The following SLIT2 variants were observed in gnomAD, a reference collection of about 807,000 sequenced individuals.
SLIT2 encodes the protein slit homolog 2 protein.
In SLIT2, 41 loss-of-function variants were observed where a neutral mutation model predicts 185.7. The observed-to-expected ratio is 0.22, with a 90% confidence interval of 0.17 to 0.29. The LOEUF (loss-of-function observed/expected upper bound fraction) is 0.29, where lower values mean the gene tolerates loss of function less well. Ranked by LOEUF, SLIT2 falls within the 10% of genes least tolerant of loss-of-function variation. SLIT2 has a pLI of 1.00. For synonymous variants in SLIT2, 693 were observed against 680.2 expected (o/e 1.02, Z -0.29); for missense variants, 1,571 against 1,909.0 (o/e 0.82, Z 3.30).
chr4:20,471,837 A>G (rs1313344907), intron 5 of SLIT2, among the ~76,000 whole-genome samples: 1 of 152,162 alleles, frequency 6.6e-6, no homozygotes, highest in Non-Finnish European at 1.5e-5. Context: ...AAACAGATGG[A>G]CAGTTATCTT....
At chr4:20,408,943 C>A (rs1316267175) in intron 4 of SLIT2, among the ~76,000 whole-genome samples, 2 of 151,112 alleles carry the variant, frequency 1.3e-5, no homozygotes, top group Admixed American at 6.6e-5. Context: ...GGCTGCTTCT[C>A]CCACCCCCAC....
intron 21 of SLIT2, among the ~76,000 whole-genome samples, chr4:20,544,947 A>C: frequency 6.6e-6 from 1 of 152,142 alleles, no homozygotes. Flanking sequence ...AAGAAATATC[A>C]AGTCAGAAAA....
intron 19 of SLIT2, among the ~76,000 whole-genome samples, chr4:20,540,567 TTA>T (rs1434677738): frequency 1.9e-4 from 29 of 152,154 alleles, no homozygotes; most frequent in Non-Finnish European, 3.8e-4. Flanking sequence ...TTCAGGTCTC[TTA>T]TATGTCAGTA....
Position 20,619,054 on chromosome 4 carries a change from T to C in SLIT2, c.*45T>C. The C allele has an allele frequency of 6.3e-7, 1 of 1,583,604 alleles. No homozygotes were observed. Among genetic ancestry groups the C allele is most frequent in the Non-Finnish European group, 8.6e-7 (1 of 1,156,488 alleles). On this transcript the variant is annotated 3_prime_UTR_variant, in exon 37 of 37. Transcript: ENST00000504154. ...GTCTTTGGAAAAGGTTGTATACTTC[T>C]TGACCGTGTGGGACTAATGAATGCT...
chr4:20,610,303 C>A, intron 34 of SLIT2, 136 bp downstream of exon 34: 1 of 697,966 alleles, frequency 1.4e-6, no homozygotes, highest in African/African-American at 1.8e-5. Flanking sequence ...AGATGGATGG[C>A]AAAGACAGAA....
chr4:20,404,899 G>C (rs973857399), intron 4 of SLIT2, among the ~76,000 whole-genome samples: 1 of 151,720 alleles, frequency 6.6e-6, no homozygotes, highest in Non-Finnish European at 1.5e-5. Context: ...GCATTTAAAG[G>C]GTCTACCATT....
At position 20,391,847 on chromosome 4, in the gene SLIT2, G is replaced by GA. The variant is rs1332270424; in HGVS notation, c.396-75898dup. On this transcript the variant is annotated intron_variant, in intron 4 of 36. Transcript: ENST00000504154. ...TTTGAAGACAACGTAGTCTTCTTTT[G>GA]AAAAAAAGTCCTCAAAATGGATATC... 2.0e-5 allele frequency among the ~76,000 whole-genome samples: 3 copies of GA among 151,948 alleles called. No homozygotes were observed. The East Asian group carries it at 5.8e-4, about 29-fold the overall frequency.
chr4:20,464,402 T>C (rs1258941219), intron 4 of SLIT2, among the ~76,000 whole-genome samples: 2 of 152,148 alleles, frequency 1.3e-5, no homozygotes, highest in African/African-American at 4.8e-5. Context: ...TGAAACTCAA[T>C]TTCCAGATTA....
At position 20,549,041 on chromosome 4, in the gene SLIT2, A is replaced by G; in HGVS notation, c.2418-16A>G. The G allele has an allele frequency of 2.7e-6, 4 of 1,507,768 alleles. 1 individual carries two copies. The highest frequency in any genetic ancestry group is 3.4e-4 in the Middle Eastern group (2 of 5,856). The allele number at this position is 1,507,768 out of a possible 1,614,324, so 93.4% of individuals were successfully genotyped here. ...GGATTTCTGAATAAAACAAATTGAC[A>G]TATGTATGCTTTCAGAATTCTTAGT... On this transcript the variant is annotated splice_polypyrimidine_tract_variant and intron_variant, in intron 23 of 36. Transcript: ENST00000504154.
At position 20,542,486 on chromosome 4, in the gene SLIT2, C is replaced by A; in HGVS notation, c.2144-8C>A. ...TCTTGGTTTTCCTGTATTTCCTCTG[C>A]GATTTAGGAAATGATGACAATAGTT... On this transcript the variant is annotated splice_polypyrimidine_tract_variant and splice_region_variant and intron_variant, in intron 20 of 36. Transcript: ENST00000504154. 2 of 1,612,432 alleles carry A rather than the reference C, an allele frequency of 1.2e-6. No individual in the cohort carries two copies. Among genetic ancestry groups the A allele is most frequent in the Non-Finnish European group, 8.5e-7 (1 of 1,179,076 alleles).
Position 20,372,558 on chromosome 4 carries a change from A to T in SLIT2, c.396-95194A>T, listed in dbSNP as rs573830225. ...AATTGTCTTTATAATTTATATCTTTAACTGTGTTCTATAGCATGGATCCTG... is the reference window on the plus strand; with the variant it reads ...AATTGTCTTTATAATTTATATCTTTTACTGTGTTCTATAGCATGGATCCTG... On this transcript the variant is annotated intron_variant, in intron 4 of 36. Transcript: ENST00000504154. Among the ~76,000 whole-genome samples, 87 of 152,176 alleles carry T rather than the reference A, an allele frequency of 5.7e-4. No homozygotes were observed. In the South Asian group the frequency reaches 0.015, roughly 25 times the overall value.
chr4:20,568,898 T>C lies in SLIT2; in HGVS notation c.2982T>C (p.Asn994=), dbSNP rs770776397. Residue 994 remains asparagine, a synonymous_variant, in exon 29 of 37, where the codon AAT becomes AAC. Coordinates refer to ENST00000504154, the MANE Select transcript of SLIT2 (RefSeq NM_004787.4). ...CICADGFEGE[N]CEVNVDDCED... ...GTGCTGATGGATTTGAAGGAGAAAATTGTGAAGTCAACGTTGATGATTGTG... is the reference window on the plus strand; with the variant it reads ...GTGCTGATGGATTTGAAGGAGAAAACTGTGAAGTCAACGTTGATGATTGTG... The C allele has an allele frequency of 3.1e-6, 5 of 1,612,398 alleles. No homozygotes were observed. The highest frequency in any genetic ancestry group is 3.4e-6 in the Non-Finnish European group (4 of 1,178,806).
chr4:20,275,640 T>A (rs182779025), intron 4 of SLIT2, among the ~76,000 whole-genome samples: 92 of 152,272 alleles, frequency 6.0e-4, no homozygotes, highest in East Asian at 1.2e-3. Context: ...CAAATTGACA[T>A]AAAATGTGCA....
At chr4:20,314,102 A>G (rs1718369206) in intron 4 of SLIT2, among the ~76,000 whole-genome samples, 1 of 152,250 alleles carries the variant, frequency 6.6e-6, no homozygotes, top group Admixed American at 6.5e-5. Context: ...TATTAAGAAT[A>G]CATGGTAATA....
chr4:20,273,710 G>A (rs933573879), intron 4 of SLIT2, among the ~76,000 whole-genome samples: 7 of 151,982 alleles, frequency 4.6e-5, no homozygotes, highest in Non-Finnish European at 8.8e-5. Flanking sequence ...TTTATAAAAC[G>A]AACTCCCTAG....
intron 4 of SLIT2, among the ~76,000 whole-genome samples, chr4:20,331,648 T>C (rs1720077985): frequency 6.6e-6 from 1 of 152,164 alleles, no homozygotes; most frequent in African/African-American, 2.4e-5. Context: ...ATAATTCAAA[T>C]GCCATAAAAT....
At chr4:20,547,020 C>G (rs1218689514) in intron 22 of SLIT2, among the ~76,000 whole-genome samples, 1 of 151,920 alleles carries the variant, frequency 6.6e-6, no homozygotes, top group Non-Finnish European at 1.5e-5. Context: ...TTCTACAAAC[C>G]TAAGTAGCAA....
chr4:20,571,300 A>G (rs912332554), intron 29 of SLIT2, among the ~76,000 whole-genome samples: 4 of 152,314 alleles, frequency 2.6e-5, no homozygotes, highest in Non-Finnish European at 4.4e-5. Flanking sequence ...CAACAAAAAT[A>G]CTAAACAGAA....
intron 4 of SLIT2, among the ~76,000 whole-genome samples, chr4:20,288,487 T>C (rs557752882): frequency 6.6e-6 from 1 of 152,362 alleles, no homozygotes; most frequent in East Asian, 1.9e-4. Context: ...CTTTAATTCC[T>C]GAAGTGCTGG....
Sources: gnomAD v4.1 joint callset for allele counts (sites outside exome capture counted in the v4.1 genomes callset) on GRCh38, gnomAD v4.1.1 for gene constraint, MANE v1.5 for transcripts, NCBI Gene and HGNC (gene_info 2026-07-23, HGNC 2026-07-21) for gene names.